SDK1: variants seen among roughly 807,000 people sequenced by gnomAD.
SDK1 encodes the protein sidekick cell adhesion molecule 1.
A neutral mutation model predicts 245.5 loss-of-function variants in SDK1; 157 were observed. The ratio of observed to expected loss-of-function variants is 0.64; its 90% CI spans 0.56 to 0.73. SDK1 has a LOEUF of 0.73. SDK1 is among the 30% of genes least tolerant of loss of function. SDK1 has a pLI of 0.00. For missense variants in SDK1, 3,583 were observed against 3,002.3 expected (o/e 1.19, Z -4.52); for synonymous variants, 1,647 against 1,278.5 (o/e 1.29, Z -6.15).
chr7:4,166,492 G>A (rs557315747), intron 32 of SDK1, among the ~76,000 whole-genome samples: 9 of 152,358 alleles, frequency 5.9e-5, no homozygotes, highest in East Asian at 1.9e-4. Flanking sequence ...GGAGAAGCGC[G>A]TGGCCCCCGG....
At chr7:4,218,647 C>T (rs2128231000) in intron 38 of SDK1, among the ~76,000 whole-genome samples, 1 of 152,240 alleles carries the variant, frequency 6.6e-6, no homozygotes, top group Non-Finnish European at 1.5e-5. Context: ...CACGACCCTC[C>T]CGCACCAAGG....
chr7:3,609,913 C>G (rs1031297151), intron 1 of SDK1, among the ~76,000 whole-genome samples: 5 of 150,450 alleles, frequency 3.3e-5, no homozygotes, highest in African/African-American at 1.2e-4. Context: ...GTTGGCCAGA[C>G]TGGTCTCAAA....
Position 4,165,668 on chromosome 7 carries a change from T to G in SDK1, c.4800+3812T>G, listed in dbSNP as rs1427675280. ...CCATACCTGGCTAATTTTTGTATTT[T>G]CAGTAGAGACAGGATTTCATCATGT... is the stretch of plus-strand genomic sequence containing the variant. On this transcript the variant is annotated intron_variant, in intron 32 of 44. Transcript: ENST00000404826. Among the ~76,000 whole-genome samples the G allele has an allele frequency of 3.9e-5, 6 of 152,098 alleles. No homozygotes were observed. The East Asian group carries it at 1.2e-3, about 29-fold the overall frequency.
chr7:3,629,694 G>T (rs776579528), intron 2 of SDK1, among the ~76,000 whole-genome samples: 37 of 152,194 alleles, frequency 2.4e-4, no homozygotes, highest in Non-Finnish European at 4.7e-4. Context: ...CAGTATCAGA[G>T]AACAAAGTTA....
chr7:3,685,220 A>T lies in SDK1; in HGVS notation c.713+43115A>T, dbSNP rs551318723. ...AAACTTGTGAACATTAAGTTAAAAA[A>T]AAAAAGAGAGAAATGAGGGAATACT... is the stretch of plus-strand genomic sequence containing the variant. On this transcript the variant is annotated intron_variant, in intron 4 of 44. Transcript: ENST00000404826. Among the ~76,000 whole-genome samples the T allele has an allele frequency of 1.6e-4, 24 of 152,062 alleles. No individual in the cohort carries two copies. In the East Asian group the frequency reaches 4.1e-3, roughly 26 times the overall value.
At chr7:4,190,509 C>T (rs1404584155) in intron 35 of SDK1, among the ~76,000 whole-genome samples, 1 of 152,242 alleles carries the variant, frequency 6.6e-6, no homozygotes, top group Non-Finnish European at 1.5e-5. Context: ...TGGGCTCCAG[C>T]TCGTGTTGTT....
chr7:4,089,349 C>T (rs1781641046), intron 22 of SDK1, among the ~76,000 whole-genome samples: 1 of 152,228 alleles, frequency 6.6e-6, no homozygotes, highest in Non-Finnish European at 1.5e-5. Flanking sequence ...GCAGAGGCTG[C>T]AGCACTCTTC....
chr7:3,987,499 G>C (rs1190578138), intron 14 of SDK1, among the ~76,000 whole-genome samples, 177 bp downstream of exon 14: 2 of 152,160 alleles, frequency 1.3e-5, no homozygotes, highest in African/African-American at 2.4e-5. Flanking sequence ...TGCAGGACCT[G>C]AGAGAGGGAA....
intron 4 of SDK1, among the ~76,000 whole-genome samples, chr7:3,819,741 A>C (rs1482449578): frequency 6.6e-6 from 1 of 152,188 alleles, no homozygotes; most frequent in Admixed American, 6.5e-5. Flanking sequence ...TAAGTCATAG[A>C]GACCTCAAAC....
chr7:3,833,970 C>T (rs1372441785), intron 5 of SDK1, among the ~76,000 whole-genome samples: 2 of 152,078 alleles, frequency 1.3e-5, no homozygotes, highest in Non-Finnish European at 2.9e-5. Flanking sequence ...GGCTAGTGAC[C>T]CTGCCATGTT....
intron 25 of SDK1, among the ~76,000 whole-genome samples, chr7:4,124,111 A>G (rs1012667038): frequency 5.3e-5 from 8 of 152,206 alleles, no homozygotes; most frequent in African/African-American, 1.9e-4. Flanking sequence ...TCCCTTGTCT[A>G]GGGAAACACC....
chr7:4,079,737 C>A (rs527461434), intron 22 of SDK1, among the ~76,000 whole-genome samples, 153 bp downstream of exon 22: 3 of 152,208 alleles, frequency 2.0e-5, no homozygotes, highest in African/African-American at 7.2e-5. Context: ...GCCCAGATAC[C>A]AGGGCAGAAT....
chr7:3,430,035 G>T (rs1281673641), intron 1 of SDK1, among the ~76,000 whole-genome samples: 1 of 152,190 alleles, frequency 6.6e-6, no homozygotes, highest in Admixed American at 6.5e-5. Flanking sequence ...TACATTTCAA[G>T]TGCCAACTTG....
intron 4 of SDK1, among the ~76,000 whole-genome samples, chr7:3,704,576 T>C (rs879523901): frequency 1.3e-5 from 2 of 152,172 alleles, no homozygotes; most frequent in Non-Finnish European, 2.9e-5. Flanking sequence ...TCCTTGTGTT[T>C]TCTGGATATC....
At chr7:3,772,262 AT>A (rs1780425848) in intron 4 of SDK1, among the ~76,000 whole-genome samples, 1 of 146,696 alleles carries the variant, frequency 6.8e-6, no homozygotes, top group Non-Finnish European at 1.5e-5. Flanking sequence ...TTTTTTTTAT[AT>A]TCTACGTCTG....
At chr7:4,224,012 A>C (rs554949714) in intron 40 of SDK1, among the ~76,000 whole-genome samples, 2 of 152,210 alleles carry the variant, frequency 1.3e-5, no homozygotes, top group Admixed American at 1.3e-4. Context: ...GGTCACCTAA[A>C]CCCAACTCTT....
intron 1 of SDK1, among the ~76,000 whole-genome samples, chr7:3,474,171 C>G (rs569320073): frequency 1.5e-5 from 2 of 130,592 alleles, no homozygotes; most frequent in Non-Finnish European, 3.1e-5. Flanking sequence ...GGCTCAATCT[C>G]GGCTCACTGC....
At chr7:4,225,667 C>T (rs1369831704) in intron 40 of SDK1, among the ~76,000 whole-genome samples, 1 of 152,128 alleles carries the variant, frequency 6.6e-6, no homozygotes, top group Non-Finnish European at 1.5e-5. Context: ...ATTGGCGTGT[C>T]GGCGAGGGCT....
chr7:4,256,571 C>T (rs1032519034), intron 44 of SDK1, among the ~76,000 whole-genome samples: 2 of 152,184 alleles, frequency 1.3e-5, no homozygotes, highest in African/African-American at 2.4e-5. Context: ...TGGATTTCGA[C>T]GAGGGTTTAA....
Sources: gnomAD v4.1 joint callset for allele counts (sites outside exome capture counted in the v4.1 genomes callset) on GRCh38, gnomAD v4.1.1 for gene constraint, MANE v1.5 for transcripts, NCBI Gene and HGNC (gene_info 2026-07-23, HGNC 2026-07-21) for gene names.